NRROS: variants seen among roughly 807,000 people sequenced by gnomAD.
NRROS encodes the protein transforming growth factor beta activator LRRC33.
NRROS carries 6 observed loss-of-function variants against 12.0 expected under a neutral mutation model. The ratio of observed to expected loss-of-function variants is 0.50; its 90% CI spans 0.27 to 0.98. NRROS has a LOEUF of 0.98. Ranked by LOEUF, NRROS falls within the 50% of genes least tolerant of loss-of-function variation. The probability of loss-of-function intolerance (pLI) is 0.11; values close to 1 mark genes in which losing one functional copy is unlikely to be tolerated. For missense variants in NRROS, 857 were observed against 888.2 expected, an observed-to-expected ratio of 0.96 and a Z score of 0.45; for synonymous variants, 462 against 410.2, an observed-to-expected ratio of 1.13 and a Z score of -1.53.
intron 1 of NRROS, among the ~76,000 whole-genome samples, chr3:196,647,772 T>A (rs1737340039): frequency 6.6e-6 from 1 of 152,258 alleles, no homozygotes; most frequent in Non-Finnish European, 1.5e-5. Flanking sequence ...TTGGTCAGGC[T>A]GGTCTCAAAT....
At chr3:196,648,740 T>C (rs1359722579) in intron 1 of NRROS, among the ~76,000 whole-genome samples, 6 of 110,968 alleles carry the variant, frequency 5.4e-5, no homozygotes, top group Admixed American at 5.2e-4. Context: ...CACTCCAGCC[T>C]GGGCAACAAG....
intron 1 of NRROS, among the ~76,000 whole-genome samples, chr3:196,644,490 C>T (rs1737268133): frequency 1.3e-5 from 2 of 151,894 alleles, no homozygotes; most frequent in South Asian, 2.1e-4. Context: ...TTGAAATGCA[C>T]GATCAGGCTG....
chr3:196,643,442 G>C (rs1293243837), intron 1 of NRROS, among the ~76,000 whole-genome samples: 1 of 152,224 alleles, frequency 6.6e-6, no homozygotes, highest in Non-Finnish European at 1.5e-5. Flanking sequence ...TGAGGTCACA[G>C]GGACTCCCCT....
In NRROS at chr3:196,660,549, G is replaced by T; in HGVS notation, c.906G>T (p.Gln302His). 1 of 1,614,178 alleles carries T rather than the reference G, an allele frequency of 6.2e-7. No individual in the cohort carries two copies. Among genetic ancestry groups the T allele is most frequent in the East Asian group, 2.2e-5 (1 of 44,882 alleles). ...CGTCGCCGAGGGAGATGGTGGCCCA[G>T]TTCCTCCTCGTGGACGGCAACGTGA... ...NTSSPREMVA[Q>H]FLLVDGNVTN... The change falls in exon 3 of 3, where the codon CAG becomes CAT. Residue 302 changes from glutamine (Q) to histidine (H), a missense_variant. Coordinates refer to ENST00000328557, the MANE Select transcript of NRROS (RefSeq NM_198565.3). The surrounding 1 kb of genome is among the most constrained non-coding windows in gnomAD (Gnocchi z 7.7).
At chr3:196,650,026 A>T (rs1737389494) in intron 1 of NRROS, among the ~76,000 whole-genome samples, 1 of 152,164 alleles carries the variant, frequency 6.6e-6, no homozygotes, top group Admixed American at 6.5e-5. Context: ...AGCTCCAACA[A>T]GGAGAGGCCG....
In NRROS at chr3:196,654,668, G is replaced by C. The variant is rs764991683; in HGVS notation, c.108+21G>C. On this transcript the variant is annotated intron_variant, in intron 2 of 2. Transcript: ENST00000328557. The surrounding 1 kb of genome is among the most constrained non-coding windows in gnomAD (Gnocchi z 4.4). Reference sequence around the variant, plus strand: ...AGTTGGTGAGTTTCCCTTGAACCCTGATCTGTCGGCTGCTCCTGTCCTGAC... The same window carrying C: ...AGTTGGTGAGTTTCCCTTGAACCCTCATCTGTCGGCTGCTCCTGTCCTGAC... The C allele has an allele frequency of 2.7e-6, 4 of 1,463,640 alleles. No individual in the cohort carries two copies. In the African/African-American group the frequency reaches 5.5e-5, roughly 20 times the overall value. The allele number at this position is 1,463,640 out of a possible 1,614,324, so 90.7% of individuals were successfully genotyped here. A position where few individuals can be genotyped will look rare whatever the true frequency, so the allele number is the denominator to read the frequency against.
intron 1 of NRROS, among the ~76,000 whole-genome samples, chr3:196,653,938 T>C (rs893489408): frequency 6.6e-6 from 1 of 152,138 alleles, no homozygotes; most frequent in South Asian, 2.1e-4. Context: ...CCTCCGTGTT[T>C]CCCCCGTCCA....
At chr3:196,657,654 C>G (rs1174444388) in intron 2 of NRROS, among the ~76,000 whole-genome samples, 2 of 147,010 alleles carry the variant, frequency 1.4e-5, no homozygotes, top group Non-Finnish European at 3.0e-5. Context: ...TTGCAGCAAG[C>G]AGAGATGGCG....
At chr3:196,646,720 C>T (rs368325799) in intron 1 of NRROS, among the ~76,000 whole-genome samples, 1 of 151,732 alleles carries the variant, frequency 6.6e-6, no homozygotes, top group African/African-American at 2.4e-5. Flanking sequence ...GCCTCTGAAT[C>T]CCCCCCCGAT....
rs766358971 is a variant in NRROS at position 196,659,878 on chromosome 3, CCTTACCCT to C, written c.238_245del (p.Tyr80ProfsTer124). The C allele has an allele frequency of 6.2e-7, 1 of 1,614,146 alleles. No homozygotes were observed. The highest frequency in any genetic ancestry group is 8.5e-7 in the Non-Finnish European group (1 of 1,180,004). On this transcript the variant is annotated frameshift_variant, in exon 3 of 3. Coordinates refer to ENST00000328557, the MANE Select transcript of NRROS (RefSeq NM_198565.3). LOFTEE classifies it low-confidence loss of function (END_TRUNC). ...GACCCTGTGGAATCACTCCCTCCAG[CCTTACCCT>C]CTCCTGGAGAGCCTCAGCCTGCACA... is the stretch of plus-strand genomic sequence containing the variant.
chr3:196,660,191 T>G lies in NRROS; in HGVS notation c.548T>G (p.Leu183Arg). The G allele has an allele frequency of 6.2e-7, 1 of 1,613,162 alleles. No homozygotes were observed. Among genetic ancestry groups the G allele is most frequent in the Non-Finnish European group, 8.5e-7 (1 of 1,180,016 alleles). Residue 183 changes from leucine to arginine, a missense_variant, in exon 3 of 3, where the codon CTC (leucine) becomes CGC (arginine). Coordinates refer to ENST00000328557, the MANE Select transcript of NRROS (RefSeq NM_198565.3). The surrounding 1 kb of genome is among the most constrained non-coding windows in gnomAD (Gnocchi z 7.7). ...DDSVFEGLER[L>R]RELDLQRNYI... ...TCCGTCTTCGAGGGCCTGGAGCGTCTCCGGGAGCTGGATCTGCAGAGGAAC... is the reference window on the plus strand; with the variant it reads ...TCCGTCTTCGAGGGCCTGGAGCGTCGCCGGGAGCTGGATCTGCAGAGGAAC...
intron 2 of NRROS, among the ~76,000 whole-genome samples, chr3:196,656,128 C>T (rs1737533855): frequency 6.6e-6 from 1 of 152,062 alleles, no homozygotes; most frequent in Non-Finnish European, 1.5e-5. Flanking sequence ...CATCGTGCCA[C>T]TGCACTCCAG....
chr3:196,647,694 A>G (rs1314348902), intron 1 of NRROS, among the ~76,000 whole-genome samples: 1 of 152,072 alleles, frequency 6.6e-6, no homozygotes, highest in Non-Finnish European at 1.5e-5. Context: ...GAGTAGCTGG[A>G]ATTACAGGTG....
chr3:196,646,007 G>A lies in NRROS; in HGVS notation c.-14+6132G>A, dbSNP rs1317631219. 2.6e-5 allele frequency among the ~76,000 whole-genome samples: 4 copies of A among 152,242 alleles called. No homozygotes were observed. In the South Asian group the frequency reaches 6.2e-4, roughly 24 times the overall value. On this transcript the variant is annotated intron_variant, in intron 1 of 2. Coordinates refer to ENST00000328557, the MANE Select transcript of NRROS (RefSeq NM_198565.3). The stretch of plus-strand genomic sequence containing the variant: ...GTCTGTCCCCCTCCAGTGGGGGCGT[G>A]TCCTCCTGCAGGCCTTGGAAGGCTT...
Position 196,660,320 on chromosome 3 carries a change from C to T in NRROS, c.677C>T (p.Thr226Met), listed in dbSNP as rs1278599801. The T allele has an allele frequency of 4.3e-6, 7 of 1,613,864 alleles. No individual in the cohort carries two copies. Among genetic ancestry groups the T allele is most frequent in the Admixed American group, 1.7e-5 (1 of 60,000 alleles). ...CCCTGCATCGTGGACTTCGGGCTCA[C>T]GCGGCTGCGGGTCCTCAACGTCAGC... ...NLPCIVDFGL[T>M]RLRVLNVSYN... The change falls in exon 3 of 3, where the codon ACG becomes ATG. Residue 226 changes from threonine to methionine, a missense_variant. By Grantham distance (81) the Thr-to-Met change is moderately conservative. Coordinates refer to ENST00000328557, the MANE Select transcript of NRROS (RefSeq NM_198565.3). The surrounding 1 kb of genome is among the most constrained non-coding windows in gnomAD (Gnocchi z 7.7).
intron 2 of NRROS, among the ~76,000 whole-genome samples, chr3:196,655,943 C>A (rs147096165): frequency 3.3e-5 from 5 of 152,164 alleles, no homozygotes; most frequent in African/African-American, 4.8e-5. Context: ...GAGGCCGAGG[C>A]GGGCAGATCA....
chr3:196,646,719 TC>T (rs34491819), intron 1 of NRROS, among the ~76,000 whole-genome samples: 19 of 150,370 alleles, frequency 1.3e-4, no homozygotes, highest in South Asian at 2.1e-4. Context: ...GGCCTCTGAA[TC>T]CCCCCCCGAT....
chr3:196,644,049 G>A (rs887265072), intron 1 of NRROS, among the ~76,000 whole-genome samples: 1 of 152,176 alleles, frequency 6.6e-6, no homozygotes, highest in African/African-American at 2.4e-5. Context: ...ATGGGCCTCG[G>A]CCGTTCTCTT....
At chr3:196,653,742 T>C (rs917217988) in intron 1 of NRROS, among the ~76,000 whole-genome samples, 2 of 152,226 alleles carry the variant, frequency 1.3e-5, no homozygotes, top group Non-Finnish European at 2.9e-5. Context: ...TTTGTTCACC[T>C]GGCAAATGTG....
Sources: gnomAD v4.1 joint callset for allele counts (sites outside exome capture counted in the v4.1 genomes callset) on GRCh38, gnomAD v4.1.1 for gene constraint, Gnocchi (gnomAD v3.1) non-coding constraint, MANE v1.5 for transcripts, NCBI Gene and HGNC (gene_info 2026-07-23, HGNC 2026-07-21) for gene names.